Variants in BCR observed in about 807,000 individuals in gnomAD.
BCR encodes BCR activator of RhoGEF and GTPase.
In BCR, 58 loss-of-function variants were observed where a neutral mutation model predicts 138.6. The ratio of observed to expected loss-of-function variants is 0.42; its 90% confidence interval spans 0.34 to 0.52. The LOEUF (loss-of-function observed/expected upper bound fraction) is 0.52, where lower values mean the gene tolerates loss of function less well. Ranked by LOEUF, BCR falls within the 20% of genes least tolerant of loss-of-function variation. The pLI, the probability that BCR is intolerant of heterozygous loss-of-function variation, is 0.06. For synonymous variants in BCR, 786 were observed against 730.1 expected (o/e 1.08, Z -1.23); for missense variants, 1,599 against 1,727.2 (o/e 0.93, Z 1.32).
In BCR at chr22:23,180,592, A is replaced by AGCGGCGG. The variant is rs373742833; in HGVS notation, c.-369_-368insGCGGCGG. On this transcript the variant is annotated 5_prime_UTR_variant, in exon 1 of 23. Transcript: ENST00000305877. ...AGGAGGCGGCGGCGGCGGCGGCGGC[A>AGCGGCGG]CGGCGGCGGCGGGGCTGTGGGGCGG... The AGCGGCGG allele has an allele frequency of 6.0e-5, 11 of 182,246 alleles. No individual in the cohort carries two copies. Among genetic ancestry groups the AGCGGCGG allele is most frequent in the South Asian group, 1.5e-4 (1 of 6,532 alleles). 11.3% of individuals were successfully genotyped at this position (182,246 alleles called of 1,614,324 possible).
At chr22:23,287,312 C>T in intron 11 of BCR, 34 bp downstream of exon 11, 2 of 1,503,396 alleles carry the variant, frequency 1.3e-6, no homozygotes, top group South Asian at 1.3e-5. Flanking sequence ...CTCCTGCTCT[C>T]CTGGCCTGGG....
intron 16 of BCR, among the ~76,000 whole-genome samples, chr22:23,296,815 C>A (rs557234476): frequency 6.6e-6 from 1 of 152,332 alleles, no homozygotes; most frequent in African/African-American, 2.4e-5. Context: ...GCTCTCCTGT[C>A]GCTGTCCCAC....
chr22:23,309,325 C>T, intron 16 of BCR, 99 bp from the exon 17 acceptor site: 1 of 1,044,600 alleles, frequency 9.6e-7, no homozygotes, highest in South Asian at 1.4e-5. Flanking sequence ...GGCTCTGCCT[C>T]TGACTAAGGG....
intron 16 of BCR, among the ~76,000 whole-genome samples, chr22:23,295,811 T>C (rs1602116321): frequency 6.6e-6 from 1 of 152,144 alleles, no homozygotes; most frequent in African/African-American, 2.4e-5. Context: ...TCCTGGAGGA[T>C]CATAGCTGGC....
At chr22:23,275,430 C>T (rs1602093079) in intron 8 of BCR, among the ~76,000 whole-genome samples, 1 of 152,244 alleles carries the variant, frequency 6.6e-6, no homozygotes, top group South Asian at 2.1e-4. Flanking sequence ...GATTTAGTGG[C>T]AGTCCTCGCC....
At chr22:23,286,847 A>C (rs1406579726) in intron 10 of BCR, among the ~76,000 whole-genome samples, 1 of 152,200 alleles carries the variant, frequency 6.6e-6, no homozygotes, top group African/African-American at 2.4e-5. Flanking sequence ...GAATTTGGGA[A>C]AATGAAAGGC....
intron 17 of BCR, 71 bp downstream of exon 17, chr22:23,309,554 A>G: frequency 7.0e-7 from 1 of 1,430,636 alleles, no homozygotes; most frequent in Non-Finnish European, 9.6e-7. Context: ...TTCATTTCAA[A>G]TCAGTCAGAG....
At chr22:23,245,000 A>G (rs545711325) in intron 1 of BCR, among the ~76,000 whole-genome samples, 11 of 151,910 alleles carry the variant, frequency 7.2e-5, no homozygotes, top group Non-Finnish European at 1.3e-4. Context: ...TGGAGAAGAG[A>G]GGGGGTTCTC....
rs8142886 is a variant in BCR, at chr22:23,250,652, A to G, written c.1280-3147A>G. ...GTGAGGAAGTTGTTAAAGGAGGCCA[A>G]GGGGATGGCACGGCCTTCATCTAAT... On this transcript the variant is annotated intron_variant, in intron 1 of 22. Coordinates refer to ENST00000305877, the MANE Select transcript of BCR (RefSeq NM_004327.4). Among the ~76,000 whole-genome samples, 1,168 of 152,282 alleles carry G rather than the reference A, an allele frequency of 7.7e-3. 14 individuals carry two copies. Among genetic ancestry groups the G allele is most frequent in the African/African-American group, 0.027 (1,108 of 41,560 alleles).
chr22:23,313,500 A>T (rs558420694), intron 20 of BCR, among the ~76,000 whole-genome samples: 55 of 152,292 alleles, frequency 3.6e-4, no homozygotes, highest in Non-Finnish European at 5.9e-5. Context: ...TGCACAGAGG[A>T]CCTGGTCTCC....
intron 1 of BCR, chr22:23,198,384 AGGTGAGTGATGTGTTTG>A (rs751611456): frequency 2.2e-6 from 1 of 452,684 alleles, no homozygotes; most frequent in Non-Finnish European, 4.3e-6. Context: ...GGCTCCAGAA[AGGTGAGTGATGTGTTTG>A]GGTCTATGGG....
chr22:23,263,873 T>C (rs913794806), intron 4 of BCR: 8 of 958,462 alleles, frequency 8.3e-6, no homozygotes, highest in Non-Finnish European at 1.4e-5. Flanking sequence ...GGTCTGTTGC[T>C]ATCAGGCCAT....
At chr22:23,284,885 C>G (rs1043662017) in intron 9 of BCR, 148 bp from the exon 10 acceptor site, 1 of 839,170 alleles carries the variant, frequency 1.2e-6, no homozygotes, top group Non-Finnish European at 1.8e-6. Flanking sequence ...TGGCCTCATC[C>G]CAGTCTGTCC....
chr22:23,275,323 G>A (rs1023427157), intron 8 of BCR, among the ~76,000 whole-genome samples: 20 of 152,260 alleles, frequency 1.3e-4, no homozygotes, highest in African/African-American at 9.6e-5. Flanking sequence ...CCACTGGGTG[G>A]CCTAGAGCTT....
chr22:23,282,025 C>G (rs896528843), intron 8 of BCR, among the ~76,000 whole-genome samples: 1 of 152,226 alleles, frequency 6.6e-6, no homozygotes, highest in Non-Finnish European at 1.5e-5. Flanking sequence ...GAGAAGCTCA[C>G]TGCCTTTGTA....
In BCR at chr22:23,285,162, C is replaced by T. The variant is rs1187120465; in HGVS notation, c.2367C>T (p.Ile789=). The part of the protein sequence containing the change: ...VPDEELDALK[I]KISQIKNDIQ... ...ATGAGGAGCTGGACGCTTTGAAGAT[C>T]AAGATCTCCCAGATCAAGAATGACA... is the stretch of plus-strand genomic sequence containing the variant. Residue 789 remains isoleucine (I), a synonymous_variant, in exon 10 of 23, where the codon ATC becomes ATT. Transcript: ENST00000305877. The T allele has an allele frequency of 6.2e-7, 1 of 1,613,696 alleles. No individual in the cohort carries two copies. The highest frequency in any genetic ancestry group is 8.5e-7 in the Non-Finnish European group (1 of 1,179,878).
chr22:23,245,323 G>A lies in BCR; in HGVS notation c.1280-8476G>A, dbSNP rs1298719736. On this transcript the variant is annotated intron_variant, in intron 1 of 22. Coordinates refer to ENST00000305877, the MANE Select transcript of BCR (RefSeq NM_004327.4). ...ATGGGGGGCCTTGGCTAGCCTGGTG[G>A]CTTTCTCTGTGGCATACGCTGATTC... Among the ~76,000 whole-genome samples, 3 of 152,166 alleles carry A rather than the reference G, an allele frequency of 2.0e-5. No homozygotes were observed. The South Asian group carries it at 6.2e-4, about 32-fold the overall frequency.
intron 1 of BCR, among the ~76,000 whole-genome samples, chr22:23,185,258 C>T (rs935129117): frequency 1.3e-5 from 2 of 152,228 alleles, no homozygotes; most frequent in Non-Finnish European, 2.9e-5. Flanking sequence ...CCCACTACCC[C>T]ACACTGCTAC....
At chr22:23,213,810 G>C (rs1017630261) in intron 1 of BCR, among the ~76,000 whole-genome samples, 2 of 151,100 alleles carry the variant, frequency 1.3e-5, no homozygotes, top group African/African-American at 4.9e-5. Flanking sequence ...TTCAGCCTGG[G>C]CAACAGAGCA....
Sources: gnomAD v4.1 joint callset for allele counts (sites outside exome capture counted in the v4.1 genomes callset) on GRCh38, gnomAD v4.1.1 for gene constraint, MANE v1.5 for transcripts, NCBI Gene and HGNC (gene_info 2026-07-23, HGNC 2026-07-21) for gene names.